Variants in PACRGL observed in about 807,000 individuals in gnomAD.
The protein encoded by PACRGL is parkin coregulated like, also known as PACRG-like protein.
A neutral mutation model predicts 34.5 loss-of-function variants in PACRGL; 38 were observed. The ratio of observed to expected loss-of-function variants is 1.10; its 90% confidence interval spans 0.85 to 1.44. The LOEUF is 1.44. Ranked by LOEUF, PACRGL falls within the 40% of genes most tolerant of loss-of-function variation. The pLI is 0.00. For missense variants in PACRGL, 305 were observed against 281.4 expected (o/e 1.08, Z -0.60); for synonymous variants, 128 against 100.1 (o/e 1.28, Z -1.66).
the PACRGL span, among the ~76,000 whole-genome samples, chr4:20,764,873 A>G: frequency 6.6e-6 from 1 of 152,208 alleles, no homozygotes; most frequent in Non-Finnish European, 1.5e-5. Flanking sequence ...CAGCCGGACC[A>G]CATCACCACA....
At chr4:20,715,359 C>T (rs191225589) in intron 7 of PACRGL, among the ~76,000 whole-genome samples, 369 of 151,948 alleles carry the variant, frequency 2.4e-3, no homozygotes, top group Middle Eastern at 0.01. Flanking sequence ...ACCAGCATGG[C>T]ACATGTATAC....
chr4:20,741,605 C>G (rs190825888), intron 8 of PACRGL, among the ~76,000 whole-genome samples: 1 of 152,134 alleles, frequency 6.6e-6, no homozygotes, highest in Admixed American at 6.5e-5. Context: ...TCAAAGCCCA[C>G]AAGAGAAAGC....
intron 8 of PACRGL, among the ~76,000 whole-genome samples, chr4:20,739,307 T>G (rs2149294614): frequency 6.6e-6 from 1 of 152,124 alleles, no homozygotes; most frequent in Middle Eastern, 3.4e-3. Flanking sequence ...GACCCCCGAG[T>G]AGCATAACTG....
chr4:20,726,100 C>T (rs1007975738), intron 8 of PACRGL, among the ~76,000 whole-genome samples: 11 of 151,742 alleles, frequency 7.2e-5, no homozygotes, highest in East Asian at 5.8e-4. Context: ...TCCTGTGGGC[C>T]GGTATGGGAA....
rs1747485589 is a variant in PACRGL, at chr4:20,729,827, C to CTAT, written c.*2489_*2491dup. On this transcript the variant is annotated 3_prime_UTR_variant, in exon 9 of 9. Coordinates refer to ENST00000503585, the MANE Select transcript of PACRGL (RefSeq NM_001258345.3). ...AACCAATAAAACTATATGCCAGATT[C>CTAT]TATTACTTTTGAATATTCACAGAGT... The CTAT allele has an allele frequency of 6.3e-5, 23 of 363,954 alleles. No individual in the cohort carries two copies. In the South Asian group the frequency reaches 2.3e-3, roughly 37 times the overall value. The allele number at this position is 363,954 out of a possible 1,614,324, so 22.5% of individuals were successfully genotyped here.
In PACRGL at chr4:20,727,559, GTTTA is replaced by G. The variant is rs1191187994; in HGVS notation, c.*222_*225del. On this transcript the variant is annotated 3_prime_UTR_variant, in exon 9 of 9. Coordinates refer to ENST00000503585, the MANE Select transcript of PACRGL (RefSeq NM_001258345.3). ...AGTTCTATAAGAGTACAATTTTGAG[GTTTA>G]TTTTTTGTATTTTTATTATTTGTGC... The G allele has an allele frequency of 2.4e-6, 1 of 411,180 alleles. No individual in the cohort carries two copies. Among genetic ancestry groups the G allele is most frequent in the Non-Finnish European group, 4.4e-6 (1 of 229,880 alleles). The allele number at this position is 411,180 out of a possible 1,614,324, so 25.5% of individuals were successfully genotyped here. A position where few individuals can be genotyped will look rare whatever the true frequency, so the allele number is the denominator to read the frequency against.
In PACRGL at chr4:20,709,775, T is replaced by A. The variant is rs762437252; in HGVS notation, c.366+2T>A. On this transcript the variant is annotated splice_donor_variant, in intron 5 of 8. Transcript: ENST00000503585. LOFTEE classifies it high-confidence loss of function. ...CCACTTCTTATTACTTTAGCTGAGG[T>A]AAATATGCCATCTCTTGAATATTTA... 2.5e-6 allele frequency: 4 copies of A among 1,574,034 alleles called. No homozygotes were observed. The highest frequency in any genetic ancestry group is 1.1e-5 in the South Asian group (1 of 89,950).
chr4:20,742,562 G>A (rs746027850), intron 8 of PACRGL, among the ~76,000 whole-genome samples: 4 of 151,994 alleles, frequency 2.6e-5, no homozygotes, highest in African/African-American at 7.2e-5. Flanking sequence ...TTAATGGGAC[G>A]TATCTCAAAA....
upstream of PACRGL, among the ~76,000 whole-genome samples, chr4:20,696,820 G>T (rs151321584): frequency 4.1e-3 from 631 of 152,236 alleles, 9 homozygotes; most frequent in African/African-American, 0.014. Flanking sequence ...ATTTAAATGT[G>T]CTATACATGT....
At chr4:20,763,903 T>C in the PACRGL span, among the ~76,000 whole-genome samples, 1 of 152,184 alleles carries the variant, frequency 6.6e-6, no homozygotes, top group Non-Finnish European at 1.5e-5. Context: ...GTATAAATTG[T>C]CTCCATTTCC....
Position 20,730,011 on chromosome 4 carries a change from T to C in PACRGL, c.*2670T>C. 12 of 1,530,610 alleles carry C rather than the reference T, an allele frequency of 7.8e-6. No homozygotes were observed. The South Asian group carries it at 1.6e-4, about 20-fold the overall frequency. 94.8% of individuals were successfully genotyped at this position (1,530,610 alleles called of 1,614,324 possible). A position where few individuals can be genotyped will look rare whatever the true frequency, so the allele number is the denominator to read the frequency against. ...CAAGCTGAGCAATCTATGCTAAAAG[T>C]GGTAGCTCCAACTTTAAGGGTGGTA... On this transcript the variant is annotated 3_prime_UTR_variant, in exon 9 of 9. Transcript: ENST00000503585.
chr4:20,707,230 T>A (rs1404527682), intron 3 of PACRGL, among the ~76,000 whole-genome samples: 3 of 152,204 alleles, frequency 2.0e-5, no homozygotes, highest in Non-Finnish European at 4.4e-5. Context: ...AAATCATCTT[T>A]AAGAGTAGGT....
chr4:20,698,807 C>T (rs1423241004), upstream of PACRGL, among the ~76,000 whole-genome samples: 1 of 152,308 alleles, frequency 6.6e-6, no homozygotes, highest in East Asian at 1.9e-4. Flanking sequence ...CTTACGATGT[C>T]CTCCACGTTA....
chr4:20,748,585 TA>T (rs1752915731), intron 8 of PACRGL, among the ~76,000 whole-genome samples: 2 of 93,610 alleles, frequency 2.1e-5, no homozygotes, highest in Non-Finnish European at 5.1e-5. Flanking sequence ...TATATATATA[TA>T]TATATATATA....
chr4:20,714,486 T>G (rs562343857), intron 7 of PACRGL, among the ~76,000 whole-genome samples: 2 of 152,278 alleles, frequency 1.3e-5, no homozygotes, highest in South Asian at 4.1e-4. Flanking sequence ...TTGGAGCATT[T>G]TAGTCCATTT....
the PACRGL span, among the ~76,000 whole-genome samples, chr4:20,759,621 G>C: frequency 6.7e-6 from 1 of 149,852 alleles, no homozygotes; most frequent in Admixed American, 6.7e-5. Flanking sequence ...CCCTCTGAGA[G>C]TGGTTTTGGC....
chr4:20,749,173 T>A (rs200811105), intron 8 of PACRGL, among the ~76,000 whole-genome samples: 2 of 132,176 alleles, frequency 1.5e-5, no homozygotes, highest in African/African-American at 2.8e-5. Context: ...AAAAAAAAAA[T>A]ACGTTCTCTA....
downstream of PACRGL, among the ~76,000 whole-genome samples, chr4:20,756,346 C>T (rs906379518): frequency 7.9e-5 from 12 of 152,116 alleles, no homozygotes; most frequent in African/African-American, 2.9e-4. Context: ...TCATGGACTC[C>T]ACTATCCCAT....
intron 7 of PACRGL, among the ~76,000 whole-genome samples, chr4:20,724,110 A>T (rs1744657037): frequency 6.6e-6 from 1 of 152,220 alleles, no homozygotes; most frequent in African/African-American, 2.4e-5. Context: ...TCTATGCAAA[A>T]TAAGCTATAC....
Sources: gnomAD v4.1 joint callset for allele counts (sites outside exome capture counted in the v4.1 genomes callset) on GRCh38, gnomAD v4.1.1 for gene constraint, MANE v1.5 for transcripts, NCBI Gene and HGNC (gene_info 2026-07-23, HGNC 2026-07-21) for gene names.